KIAA2012: variants seen among roughly 807,000 people sequenced by gnomAD.
The protein encoded by KIAA2012 is uncharacterized protein KIAA2012.
In KIAA2012, 125 loss-of-function variants were observed where a neutral mutation model predicts 150.6. The observed-to-expected ratio is 0.83, with a 90% CI of 0.72 to 0.96. The LOEUF is 0.96. Among genes scored for constraint, KIAA2012 ranks in the 40% least tolerant of loss-of-function variants. KIAA2012 has a pLI of 0.00. For missense variants in KIAA2012, 1,219 were observed against 1,354.9 expected (o/e 0.90, Z 1.57); for synonymous variants, 462 against 504.7 (o/e 0.92, Z 1.13).
At chr2:202,112,186 G>C (rs564084008) in intron 10 of KIAA2012, among the ~76,000 whole-genome samples, 2 of 152,256 alleles carry the variant, frequency 1.3e-5, no homozygotes, top group African/African-American at 4.8e-5. Flanking sequence ...CAAGCGATAA[G>C]AGGATTAGAG....
intron 13 of KIAA2012, among the ~76,000 whole-genome samples, chr2:202,144,058 A>C (rs979695107): frequency 6.6e-6 from 1 of 152,230 alleles, no homozygotes; most frequent in African/African-American, 2.4e-5. Flanking sequence ...AAATGATTGC[A>C]TCTCTTTGTT....
At chr2:202,093,611 T>C (rs1325679640) in intron 4 of KIAA2012, among the ~76,000 whole-genome samples, 1 of 152,198 alleles carries the variant, frequency 6.6e-6, no homozygotes, top group Non-Finnish European at 1.5e-5. Flanking sequence ...TGTGGCAATA[T>C]GATGTGAAAT....
At chr2:202,186,888 A>C in intron 16 of KIAA2012, 45 bp from the exon 17 acceptor site, 2 of 1,535,578 alleles carry the variant, frequency 1.3e-6, no homozygotes, top group Non-Finnish European at 1.8e-6. Flanking sequence ...TCTTTCCACC[A>C]GAGTTTTTCT....
intron 21 of KIAA2012, among the ~76,000 whole-genome samples, chr2:202,196,122 C>T (rs1246130248): frequency 6.6e-6 from 1 of 150,496 alleles, no homozygotes; most frequent in African/African-American, 2.4e-5. Context: ...TGGCTACTTC[C>T]TGGTTCTGGC....
intron 19 of KIAA2012, among the ~76,000 whole-genome samples, chr2:202,191,447 A>T: frequency 6.6e-6 from 1 of 152,166 alleles, no homozygotes; most frequent in East Asian, 1.9e-4. Flanking sequence ...TGGGAGGCCA[A>T]GGCAGGAGCA....
At chr2:202,191,692 C>T (rs1162885179) in intron 19 of KIAA2012, among the ~76,000 whole-genome samples, 1 of 152,148 alleles carries the variant, frequency 6.6e-6, no homozygotes, top group African/African-American at 2.4e-5. Context: ...TATTTCTTCC[C>T]CTGAGACTAA....
intron 15 of KIAA2012, among the ~76,000 whole-genome samples, chr2:202,182,430 G>T (rs570739649): frequency 6.6e-6 from 1 of 151,854 alleles, no homozygotes; most frequent in Non-Finnish European, 1.5e-5. Context: ...GTACTTTTTC[G>T]TATGATTTCT....
At chr2:202,094,495 TTTTTATTTTC>T (rs1327659932) in intron 4 of KIAA2012, among the ~76,000 whole-genome samples, 1 of 152,010 alleles carries the variant, frequency 6.6e-6, no homozygotes, top group Non-Finnish European at 1.5e-5. Flanking sequence ...CTTTCTTTTC[TTTTTATTTTC>T]TTTTATTTTA....
intron 12 of KIAA2012, among the ~76,000 whole-genome samples, chr2:202,131,333 G>A (rs190873164): frequency 1.3e-5 from 2 of 152,028 alleles, no homozygotes; most frequent in Admixed American, 1.3e-4. Context: ...TACAGATGAG[G>A]TTTCACCATG....
At chr2:202,163,663 A>G (rs1691701310) in intron 14 of KIAA2012, among the ~76,000 whole-genome samples, 2 of 152,296 alleles carry the variant, frequency 1.3e-5, no homozygotes, top group South Asian at 2.1e-4. Flanking sequence ...AAATTCTTCC[A>G]AAAGAAGAAG....
In KIAA2012 at chr2:202,100,335, G is replaced by C; in HGVS notation, c.1041G>C (p.Lys347Asn). 1.3e-6 allele frequency: 2 copies of C among 1,550,550 alleles called. No homozygotes were observed. The highest frequency in any genetic ancestry group is 1.7e-6 in the Non-Finnish European group (2 of 1,146,964). The stretch of plus-strand genomic sequence containing the variant: ...AACAAAGGAACGTGAAACTCCACAA[G>C]GCCAGAAGCAGCCACTTGTTACAGG... ...SDKQRNVKLH[K>N]ARSSHLLQVL... Residue 347 changes from lysine to asparagine, a missense_variant, in exon 7 of 24, where the codon AAG (lysine) becomes AAC (asparagine). Coordinates refer to ENST00000498697, the MANE Select transcript of KIAA2012 (RefSeq NM_001277372.4).
chr2:202,201,790 G>GCATCAGTATAGGGTAT, intron 22 of KIAA2012: 2 of 1,302,292 alleles, frequency 1.5e-6, no homozygotes, highest in Non-Finnish European at 2.2e-6. Flanking sequence ...GTATAGGGTA[G>GCATCAGTATAGGGTAT]AGCCTGAGAA....
chr2:202,076,402 G>T (rs1689324895), intron 2 of KIAA2012, among the ~76,000 whole-genome samples: 1 of 152,034 alleles, frequency 6.6e-6, no homozygotes, highest in East Asian at 1.9e-4. Context: ...CCCCATGCCA[G>T]GCAGAGCTTC....
chr2:202,100,588 C>T, intron 7 of KIAA2012, 139 bp downstream of exon 7: 1 of 967,042 alleles, frequency 1.0e-6, no homozygotes, highest in Non-Finnish European at 1.5e-6. Flanking sequence ...CTGAGCTGAC[C>T]AGGTGGAGCT....
At chr2:202,102,173 C>CACACAT (rs1183894155) in intron 7 of KIAA2012, among the ~76,000 whole-genome samples, 2 of 145,652 alleles carry the variant, frequency 1.4e-5, no homozygotes, top group African/African-American at 5.7e-5. Flanking sequence ...CTCATACACA[C>CACACAT]ACACATACAC....
chr2:202,102,855 A>G, intron 7 of KIAA2012, 91 bp from the exon 8 acceptor site: 10 of 1,215,856 alleles, frequency 8.2e-6, no homozygotes, highest in Non-Finnish European at 1.1e-5. Context: ...TCCTGGTGCA[A>G]GAGATACAAT....
intron 15 of KIAA2012, among the ~76,000 whole-genome samples, chr2:202,171,374 C>T (rs1383934239): frequency 6.6e-6 from 1 of 152,130 alleles, no homozygotes; most frequent in African/African-American, 2.4e-5. Context: ...AGCAGGCGCG[C>T]TGGGAGCAGC....
At chr2:202,082,579 G>A (rs1689475314) in intron 2 of KIAA2012, among the ~76,000 whole-genome samples, 1 of 142,386 alleles carries the variant, frequency 7.0e-6, no homozygotes, top group Admixed American at 7.4e-5. Flanking sequence ...GTGGGTGACA[G>A]GGCGAGAGTC....
At chr2:202,155,169 G>T (rs1349418130) in intron 14 of KIAA2012, among the ~76,000 whole-genome samples, 1 of 152,180 alleles carries the variant, frequency 6.6e-6, no homozygotes, top group African/African-American at 2.4e-5. Context: ...TGGTAGAGTT[G>T]ATATTACTAC....
Sources: gnomAD v4.1 joint callset for allele counts (sites outside exome capture counted in the v4.1 genomes callset) on GRCh38, gnomAD v4.1.1 for gene constraint, MANE v1.5 for transcripts, NCBI Gene and HGNC (gene_info 2026-07-23, HGNC 2026-07-21) for gene names.